LRCH2: variants seen among roughly 807,000 people sequenced by gnomAD.
LRCH2 encodes the protein leucine rich repeats and calponin homology domain containing 2, also known as leucine-rich repeat and calponin homology domain-containing protein 2.
A neutral mutation model predicts 68.9 loss-of-function variants in LRCH2; 38 were observed. The ratio of observed to expected loss-of-function variants is 0.55; its 90% confidence interval spans 0.43 to 0.72. LRCH2 has a LOEUF of 0.72. LRCH2 is among the 30% of genes least tolerant of loss of function. The probability of loss-of-function intolerance (pLI) is 0.00; values close to 1 mark genes in which losing one functional copy is unlikely to be tolerated. For synonymous variants in LRCH2, 191 were observed against 208.1 expected (o/e 0.92, Z 0.71); for missense variants, 528 against 572.9 (o/e 0.92, Z 0.80).
At chrX:115,128,446 T>C (rs1393075329) in intron 15 of LRCH2, among the ~76,000 whole-genome samples, 1 of 112,082 alleles carries the variant, frequency 8.9e-6, no homozygotes, top group East Asian at 2.8e-4. Flanking sequence ...AGGTATGAGA[T>C]TAACATCAAT....
chrX:115,159,612 G>A lies in LRCH2; in HGVS notation c.1464-2945C>T, dbSNP rs187728577. Among the ~76,000 whole-genome samples the A allele has an allele frequency of 4.8e-3, 525 of 109,536 alleles. 6 individuals are homozygous for A. The highest frequency in any genetic ancestry group is 9.3e-3 in the Middle Eastern group (2 of 216). ...TAAAAATACAAACAATTAGTCGGGC[G>A]TGGTGGCAGGCGCCTGTAGTCCCAG... On this transcript the variant is annotated intron_variant, in intron 11 of 20. Coordinates refer to ENST00000317135, the MANE Select transcript of LRCH2 (RefSeq NM_020871.4).
chrX:115,189,350 G>A (rs2072760366), intron 1 of LRCH2: 1 of 978,325 alleles, frequency 1.0e-6, no homozygotes, highest in Non-Finnish European at 1.4e-6. Flanking sequence ...CAACCGGTAG[G>A]AGCCGCCCTC....
intron 14 of LRCH2, among the ~76,000 whole-genome samples, chrX:115,146,807 A>C (rs887248658): frequency 9.2e-6 from 1 of 108,712 alleles, no homozygotes; most frequent in Non-Finnish European, 1.9e-5. Flanking sequence ...CAATATGTTG[A>C]AACAGTTTTA....
intron 12 of LRCH2, among the ~76,000 whole-genome samples, chrX:115,154,908 C>T (rs2072461036): frequency 9.2e-6 from 1 of 108,150 alleles, no homozygotes. Context: ...CACCTGTAAT[C>T]CCAGCATTTT....
At chrX:115,215,794 T>C (rs1556571389) in intron 1 of LRCH2, among the ~76,000 whole-genome samples, 2 of 97,079 alleles carry the variant, frequency 2.1e-5, no homozygotes, top group African/African-American at 7.7e-5. Context: ...AAAAAAAACA[T>C]AATTCATTAA....
At chrX:115,127,032 A>C in intron 15 of LRCH2, 139 bp from the exon 16 acceptor site, 1 of 371,781 alleles carries the variant, frequency 2.7e-6, no homozygotes. Context: ...GCACATTGCC[A>C]CTCTACATGT....
chrX:115,123,481 C>A (rs1175874004), intron 17 of LRCH2, among the ~76,000 whole-genome samples: 3 of 111,803 alleles, frequency 2.7e-5, no homozygotes, highest in Non-Finnish European at 3.8e-5. Flanking sequence ...CATATGTCAG[C>A]CTTTTATCTT....
Position 115,165,483 on chromosome X carries a change from C to G in LRCH2, c.1297-20G>C. ...TTTTCCCTTATATAAAAGAAAGTTA[C>G]ATTTTAAATTGTATAGTCCACTTTT... On this transcript the variant is annotated intron_variant, in intron 9 of 20. Coordinates refer to ENST00000317135, the MANE Select transcript of LRCH2 (RefSeq NM_020871.4). The G allele has an allele frequency of 9.1e-7, 1 of 1,097,808 alleles. No individual in the cohort carries two copies. The highest frequency in any genetic ancestry group is 1.2e-6 in the Non-Finnish European group (1 of 819,180). 90.5% of individuals were successfully genotyped at this position (1,097,808 alleles called of 1,213,427 possible).
At chrX:115,220,957 G>A (rs2073074401) in intron 1 of LRCH2, among the ~76,000 whole-genome samples, 1 of 108,406 alleles carries the variant, frequency 9.2e-6, no homozygotes, top group Non-Finnish European at 1.9e-5. Context: ...GGAGGCCGAG[G>A]CGGGTGGATC....
At chrX:115,125,024 C>G (rs1215825153) in intron 16 of LRCH2, among the ~76,000 whole-genome samples, 4 of 111,101 alleles carry the variant, frequency 3.6e-5, no homozygotes, top group Non-Finnish European at 7.5e-5. Flanking sequence ...ACATACTCAC[C>G]ACCCTATCCA....
At chrX:115,193,629 T>G (rs1905649179) in intron 1 of LRCH2, among the ~76,000 whole-genome samples, 1 of 111,924 alleles carries the variant, frequency 8.9e-6, no homozygotes, top group Non-Finnish European at 1.9e-5. Context: ...GAAAAATACT[T>G]AGGACATTAT....
intron 1 of LRCH2, among the ~76,000 whole-genome samples, chrX:115,218,742 C>G (rs1556572549): frequency 8.9e-6 from 1 of 112,268 alleles, no homozygotes; most frequent in Non-Finnish European, 1.9e-5. Context: ...TGGGAATCCT[C>G]TAGCAGGGTA....
intron 1 of LRCH2, among the ~76,000 whole-genome samples, chrX:115,205,640 A>G (rs2072960873): frequency 8.9e-6 from 1 of 112,161 alleles, no homozygotes; most frequent in Admixed American, 9.5e-5. Flanking sequence ...GAAAAATAAC[A>G]TATGAAATAA....
chrX:115,148,893 T>C (rs1160203435), intron 14 of LRCH2, among the ~76,000 whole-genome samples: 1 of 111,754 alleles, frequency 8.9e-6, no homozygotes, highest in Admixed American at 9.6e-5. Context: ...CATGATACTA[T>C]TTCCAAATGT....
chrX:115,128,406 A>G (rs1290124169), intron 15 of LRCH2, among the ~76,000 whole-genome samples: 2 of 112,102 alleles, frequency 1.8e-5, no homozygotes, highest in Non-Finnish European at 1.9e-5. Context: ...CTATACATAC[A>G]TACCTATGAT....
At chrX:115,119,047 C>G (rs1158586609) in intron 20 of LRCH2, among the ~76,000 whole-genome samples, 1 of 111,250 alleles carries the variant, frequency 9.0e-6, no homozygotes, top group Non-Finnish European at 1.9e-5. Context: ...CTATGACAAA[C>G]CCACAGCCAA....
At chrX:115,152,318 A>T (rs889093028) in intron 12 of LRCH2, among the ~76,000 whole-genome samples, 1 of 112,120 alleles carries the variant, frequency 8.9e-6, no homozygotes, top group East Asian at 2.8e-4. Context: ...ACAAAAGTCA[A>T]AAGTATGTAT....
chrX:115,202,278 C>G (rs2072935862), intron 1 of LRCH2, among the ~76,000 whole-genome samples: 2 of 111,611 alleles, frequency 1.8e-5, no homozygotes, highest in Admixed American at 1.9e-4. Flanking sequence ...AGAAAAATAT[C>G]ACATGTTGTC....
chrX:115,149,077 G>C (rs1204322105), intron 14 of LRCH2, among the ~76,000 whole-genome samples: 1 of 111,250 alleles, frequency 9.0e-6, no homozygotes, highest in Non-Finnish European at 1.9e-5. Context: ...ATTAGGCTTT[G>C]GGAAACATAA....
Sources: gnomAD v4.1 joint callset for allele counts (sites outside exome capture counted in the v4.1 genomes callset) on GRCh38, gnomAD v4.1.1 for gene constraint, MANE v1.5 for transcripts, NCBI Gene and HGNC (gene_info 2026-07-23, HGNC 2026-07-21) for gene names.